The following ITGBL1 variants were observed in gnomAD, a reference collection of about 807,000 sequenced individuals.
ITGBL1 encodes the protein integrin beta-like protein 1.
ITGBL1 carries 51 observed loss-of-function variants against 68.5 expected under a neutral mutation model. The ratio of observed to expected loss-of-function variants is 0.74; its 90% CI spans 0.59 to 0.94. The LOEUF is 0.94. Among genes scored for constraint, ITGBL1 ranks in the 40% least tolerant of loss-of-function variants. ITGBL1 has a pLI of 0.00. For synonymous variants in ITGBL1, 209 were observed against 227.3 expected, an observed-to-expected ratio of 0.92 and a Z score of 0.72; for missense variants, 649 against 647.4, an observed-to-expected ratio of 1.00 and a Z score of -0.03.
chr13:101,475,806 G>GCCA (rs2048528286), intron 2 of ITGBL1, among the ~76,000 whole-genome samples: 1 of 151,180 alleles, frequency 6.6e-6, no homozygotes, highest in Non-Finnish European at 1.5e-5. Context: ...CAGGTGGTGG[G>GCCA]GGCTGGGGAG....
At chr13:101,473,094 A>G (rs1450152369) in intron 2 of ITGBL1, among the ~76,000 whole-genome samples, 1 of 152,184 alleles carries the variant, frequency 6.6e-6, no homozygotes, top group East Asian at 1.9e-4. Flanking sequence ...GGGAAGTGGA[A>G]CAAGATAGCC....
chr13:101,685,209 C>G (rs1380842307), intron 7 of ITGBL1, among the ~76,000 whole-genome samples: 1 of 151,904 alleles, frequency 6.6e-6, no homozygotes, highest in Non-Finnish European at 1.5e-5. Flanking sequence ...GAAAGTATGT[C>G]CTTTTAAAAA....
intron 7 of ITGBL1, among the ~76,000 whole-genome samples, chr13:101,651,697 T>G (rs1017981702): frequency 2.6e-5 from 4 of 152,154 alleles, no homozygotes; most frequent in Admixed American, 2.6e-4. Context: ...AGTCAATTTT[T>G]GCTTTTGTTG....
At chr13:101,563,948 A>G (rs929084088) in intron 2 of ITGBL1, among the ~76,000 whole-genome samples, 3 of 151,892 alleles carry the variant, frequency 2.0e-5, no homozygotes, top group Non-Finnish European at 4.4e-5. Context: ...TAAAAATATA[A>G]TACTTATTAC....
intron 3 of ITGBL1, among the ~76,000 whole-genome samples, chr13:101,569,234 GATTT>G (rs142291882): frequency 0.015 from 2,244 of 151,990 alleles, 49 homozygotes; most frequent in African/African-American, 0.051. Context: ...TCTATTTTGG[GATTT>G]ATTTATTTAT....
At chr13:101,500,495 A>T (rs1195418471) in intron 2 of ITGBL1, among the ~76,000 whole-genome samples, 1 of 152,236 alleles carries the variant, frequency 6.6e-6, no homozygotes, top group African/African-American at 2.4e-5. Context: ...ACCAACTGCT[A>T]CAAAATTCTT....
intron 2 of ITGBL1, among the ~76,000 whole-genome samples, chr13:101,487,271 G>A (rs899857416): frequency 6.6e-6 from 1 of 152,094 alleles, no homozygotes; most frequent in African/African-American, 2.4e-5. Flanking sequence ...GATGTTTGAG[G>A]AACACAGGAA....
intron 2 of ITGBL1, among the ~76,000 whole-genome samples, chr13:101,539,558 T>C (rs558768343): frequency 1.3e-5 from 2 of 152,120 alleles, no homozygotes; most frequent in Non-Finnish European, 2.9e-5. Flanking sequence ...GTACTTTGGG[T>C]ATATACCCAG....
At chr13:101,685,414 T>G (rs1369880) in intron 7 of ITGBL1, among the ~76,000 whole-genome samples, 42,201 of 152,004 alleles carry the variant, frequency 0.28, 6,633 homozygotes, top group East Asian at 0.53. Context: ...AAATGTTTTA[T>G]TCCTTTAAAT....
At chr13:101,571,864 G>A (rs1264317279) in intron 3 of ITGBL1, among the ~76,000 whole-genome samples, 1 of 152,072 alleles carries the variant, frequency 6.6e-6, no homozygotes, top group East Asian at 1.9e-4. Context: ...GCACAGGACT[G>A]GATTCTATGT....
At chr13:101,615,199 G>T (rs2031303354) in intron 7 of ITGBL1, among the ~76,000 whole-genome samples, 1 of 151,992 alleles carries the variant, frequency 6.6e-6, no homozygotes, top group Non-Finnish European at 1.5e-5. Flanking sequence ...CTGCCTCTCT[G>T]TGTGTCCAAG....
intron 7 of ITGBL1, among the ~76,000 whole-genome samples, chr13:101,632,007 T>C (rs907382498): frequency 6.6e-6 from 1 of 151,668 alleles, no homozygotes; most frequent in Admixed American, 6.6e-5. Context: ...TTATATACGG[T>C]ACACAAAAAA....
chr13:101,524,432 A>G (rs936198780), intron 2 of ITGBL1, among the ~76,000 whole-genome samples: 6 of 152,066 alleles, frequency 3.9e-5, no homozygotes, highest in Non-Finnish European at 8.8e-5. Context: ...AACTTAAAAA[A>G]TGACACCAGG....
At chr13:101,467,319 T>C (rs920012840) in intron 2 of ITGBL1, among the ~76,000 whole-genome samples, 2 of 152,190 alleles carry the variant, frequency 1.3e-5, no homozygotes, top group Non-Finnish European at 2.9e-5. Flanking sequence ...CTTCCAAACC[T>C]GGTCTGAGAT....
intron 6 of ITGBL1, among the ~76,000 whole-genome samples, chr13:101,597,755 T>C (rs746759551): frequency 5.3e-5 from 8 of 152,020 alleles, no homozygotes; most frequent in Non-Finnish European, 1.2e-4. Flanking sequence ...GGTTTCACCA[T>C]GTTCGTCAGG....
intron 2 of ITGBL1, among the ~76,000 whole-genome samples, chr13:101,488,567 T>C (rs1380844519): frequency 6.6e-6 from 1 of 152,198 alleles, no homozygotes; most frequent in East Asian, 1.9e-4. Context: ...CCACCTCAGT[T>C]TCCTTGTCTA....
intron 2 of ITGBL1, among the ~76,000 whole-genome samples, chr13:101,519,516 T>TCTGCCTGC (rs966505097): frequency 1.3e-5 from 2 of 152,068 alleles, no homozygotes; most frequent in Non-Finnish European, 2.9e-5. Context: ...TTCCTGCCTG[T>TCTGCCTGC]CTGCCTGCCT....
chr13:101,680,275 A>G (rs1377612803), intron 7 of ITGBL1, among the ~76,000 whole-genome samples: 1 of 152,224 alleles, frequency 6.6e-6, no homozygotes, highest in African/African-American at 2.4e-5. Context: ...CTCTAGTGCA[A>G]TCAGGTTGCT....
chr13:101,523,711 G>T (rs567638306), intron 2 of ITGBL1, among the ~76,000 whole-genome samples: 1 of 142,548 alleles, frequency 7.0e-6, no homozygotes, highest in South Asian at 2.4e-4. Flanking sequence ...ACTTCAAATG[G>T]ATGCACACAA....
Sources: allele counts gnomAD v4.1 joint callset (sites outside exome capture counted in the v4.1 genomes callset), GRCh38; gene constraint gnomAD v4.1.1; transcripts MANE v1.5; gene names NCBI Gene and HGNC (gene_info 2026-07-23, HGNC 2026-07-21).